Variants in RAD51B observed in about 807,000 individuals in gnomAD.
The protein encoded by RAD51B is RAD51 paralog B.
A neutral mutation model predicts 42.2 loss-of-function variants in RAD51B; 38 were observed. The observed-to-expected ratio is 0.90, with a 90% CI of 0.70 to 1.18. The LOEUF is 1.18. RAD51B is among the 50% of genes most tolerant of loss of function. The probability of loss-of-function intolerance (pLI) is 0.00; values close to 1 mark genes in which losing one functional copy is unlikely to be tolerated. For missense variants in RAD51B, 373 were observed against 400.7 expected (o/e 0.93, Z 0.59); for synonymous variants, 154 against 145.2 (o/e 1.06, Z -0.43).
chr14:68,060,761 G>A (rs1318916661), intron 7 of RAD51B, among the ~76,000 whole-genome samples: 1 of 152,160 alleles, frequency 6.6e-6, no homozygotes, highest in African/African-American at 2.4e-5. Context: ...AAAGTAATTG[G>A]ACATCTAATT....
chr14:68,446,175 G>A (rs1026861116), intron 9 of RAD51B, among the ~76,000 whole-genome samples: 1 of 152,126 alleles, frequency 6.6e-6, no homozygotes, highest in Non-Finnish European at 1.5e-5. Flanking sequence ...CTGTGAGGTG[G>A]GTTTTTACAA....
chr14:68,078,904 T>C (rs1595367328), intron 7 of RAD51B, among the ~76,000 whole-genome samples: 1 of 152,086 alleles, frequency 6.6e-6, no homozygotes, highest in Non-Finnish European at 1.5e-5. Flanking sequence ...GTGGGGGAAT[T>C]GCTTGAGCCT....
At chr14:68,275,974 C>G (rs1313069857) in intron 7 of RAD51B, among the ~76,000 whole-genome samples, 1 of 152,110 alleles carries the variant, frequency 6.6e-6, no homozygotes, top group Non-Finnish European at 1.5e-5. Context: ...AAAGTTGGAT[C>G]ATGCAGACAT....
At chr14:67,910,900 C>T (rs2043957161) in intron 7 of RAD51B, among the ~76,000 whole-genome samples, 2 of 152,020 alleles carry the variant, frequency 1.3e-5, no homozygotes, top group Admixed American at 6.6e-5. Flanking sequence ...CAACCTCCGC[C>T]TCCCAGGTTC....
At chr14:68,250,234 G>A (rs2080593020) in intron 7 of RAD51B, among the ~76,000 whole-genome samples, 1 of 152,078 alleles carries the variant, frequency 6.6e-6, no homozygotes, top group Non-Finnish European at 1.5e-5. Flanking sequence ...CCCCTCATTC[G>A]TCCTGTCTTT....
At chr14:67,889,556 TATATA>T (rs1213695750) in intron 7 of RAD51B, among the ~76,000 whole-genome samples, 1 of 148,608 alleles carries the variant, frequency 6.7e-6, no homozygotes, top group East Asian at 1.9e-4. Context: ...AATATATAAA[TATATA>T]AAATGTGATT....
chr14:67,841,069 A>C (rs923670873), intron 4 of RAD51B, among the ~76,000 whole-genome samples: 1 of 152,110 alleles, frequency 6.6e-6, no homozygotes, highest in Non-Finnish European at 1.5e-5. Context: ...CAAATTGCTG[A>C]GATTATAGGC....
intron 9 of RAD51B, among the ~76,000 whole-genome samples, chr14:68,458,731 C>T (rs967397094): frequency 4.0e-5 from 6 of 151,058 alleles, no homozygotes; most frequent in Admixed American, 2.6e-4. Flanking sequence ...TTTAGGGATT[C>T]AGATCAGCTT....
intron 10 of RAD51B, among the ~76,000 whole-genome samples, chr14:68,570,416 G>A (rs1889637461): frequency 6.6e-6 from 1 of 152,202 alleles, no homozygotes; most frequent in Non-Finnish European, 1.5e-5. Flanking sequence ...GCATAGGATA[G>A]ACCAGTGGGA....
At chr14:68,332,056 AAG>A (rs1425568871) in intron 8 of RAD51B, among the ~76,000 whole-genome samples, 2 of 152,200 alleles carry the variant, frequency 1.3e-5, no homozygotes, top group African/African-American at 4.8e-5. Context: ...GACTTCCAAA[AAG>A]AGTTCACATT....
chr14:68,141,906 C>T (rs979581428), intron 7 of RAD51B, among the ~76,000 whole-genome samples: 4 of 152,186 alleles, frequency 2.6e-5, no homozygotes, highest in Non-Finnish European at 5.9e-5. Flanking sequence ...TCTGCAGCCC[C>T]TCCCATGTGC....
intron 10 of RAD51B, among the ~76,000 whole-genome samples, chr14:68,626,917 T>C: frequency 6.6e-6 from 1 of 152,152 alleles, no homozygotes; most frequent in South Asian, 2.1e-4. Flanking sequence ...TAACATGCCT[T>C]TGTTGAACCG....
intron 7 of RAD51B, among the ~76,000 whole-genome samples, chr14:67,950,459 AGTTAGG>A (rs2074423028): frequency 1.3e-5 from 2 of 152,130 alleles, no homozygotes; most frequent in South Asian, 4.1e-4. Context: ...AATTGAAGAG[AGTTAGG>A]GCCTTGCTCT....
rs1951632 is a variant in RAD51B, at chr14:68,254,276, C to T, written c.757-37608C>T. Among the ~76,000 whole-genome samples the T allele has an allele frequency of 4.1e-4, 62 of 152,264 alleles. 1 individual carries two copies. The highest frequency in any genetic ancestry group is 1.5e-3 in the East Asian group (8 of 5,190). Reference sequence around the variant, plus strand: ...AAAAAGAGGTGCTGTCTCTTCAAGTCGTTTCATTCTTTACATAAGAACAGG... The same window carrying T: ...AAAAAGAGGTGCTGTCTCTTCAAGTTGTTTCATTCTTTACATAAGAACAGG... On this transcript the variant is annotated intron_variant, in intron 7 of 10. Transcript: ENST00000471583.
intron 7 of RAD51B, among the ~76,000 whole-genome samples, chr14:67,953,022 C>G (rs898859755): frequency 1.3e-5 from 2 of 151,982 alleles, no homozygotes; most frequent in Non-Finnish European, 2.9e-5. Context: ...GTACAGAACA[C>G]TATGCTAAGC....
chr14:68,378,141 C>A (rs1053542918), intron 8 of RAD51B, among the ~76,000 whole-genome samples: 2 of 152,134 alleles, frequency 1.3e-5, no homozygotes, highest in African/African-American at 4.8e-5. Context: ...CTGAATCTAG[C>A]GGTAGGATAA....
At chr14:68,496,303 A>C (rs1041457472) in intron 10 of RAD51B, among the ~76,000 whole-genome samples, 1 of 152,180 alleles carries the variant, frequency 6.6e-6, no homozygotes, top group Non-Finnish European at 1.5e-5. Context: ...CCTGGCCCCA[A>C]CTTGCCCCGG....
At chr14:67,845,071 G>A (rs115456110) in intron 4 of RAD51B, among the ~76,000 whole-genome samples, 4,662 of 152,256 alleles carry the variant, frequency 0.031, 223 homozygotes, top group African/African-American at 0.1. Context: ...GCCACTCTGT[G>A]CCTTATAATT....
chr14:67,994,661 T>C (rs1395164521), intron 7 of RAD51B, among the ~76,000 whole-genome samples: 1 of 152,214 alleles, frequency 6.6e-6, no homozygotes, highest in Admixed American at 6.5e-5. Context: ...TCTAAGACTG[T>C]TGCTGCTGCC....
Sources: allele counts gnomAD v4.1 joint callset (sites outside exome capture counted in the v4.1 genomes callset), GRCh38; gene constraint gnomAD v4.1.1; transcripts MANE v1.5; gene names NCBI Gene and HGNC (gene_info 2026-07-23, HGNC 2026-07-21).